The following UPRT variants were observed in gnomAD, a reference collection of about 807,000 sequenced individuals.
The protein encoded by UPRT is RP11-311P8.3.
In UPRT, 5 loss-of-function variants were observed where a neutral mutation model predicts 22.6. The observed-to-expected ratio is 0.22, with a 90% confidence interval of 0.12 to 0.47. The LOEUF is 0.47. Among genes scored for constraint, UPRT ranks in the 20% least tolerant of loss-of-function variants. The probability of loss-of-function intolerance (pLI) is 0.99; values close to 1 mark genes in which losing one functional copy is unlikely to be tolerated. For synonymous variants in UPRT, 77 were observed against 87.7 expected, an observed-to-expected ratio of 0.88 and a Z score of 0.68; for missense variants, 181 against 239.9, an observed-to-expected ratio of 0.75 and a Z score of 1.62.
chrX:75,240,283 G>A (rs2082484043), intron 4 of UPRT, among the ~76,000 whole-genome samples: 1 of 110,932 alleles, frequency 9.0e-6, no homozygotes. Context: ...CAAATCAGTA[G>A]CACTGCTATA....
upstream of UPRT, among the ~76,000 whole-genome samples, chrX:75,272,335 T>C (rs2082612638): frequency 1.0e-5 from 1 of 95,263 alleles, no homozygotes; most frequent in African/African-American, 4.1e-5. Context: ...TATATGTATA[T>C]ATATATATAC....
chrX:75,299,806 G>T lies in UPRT; in HGVS notation c.634G>T (p.Asp212Tyr). 1 of 1,211,333 alleles carries T rather than the reference G, an allele frequency of 8.3e-7. No individual in the cohort carries two copies. The highest frequency in any genetic ancestry group is 1.1e-6 in the Non-Finnish European group (1 of 895,239). The change falls in exon 5 of 7, where the codon GAT becomes TAT. Residue 212 changes from aspartate to tyrosine, a missense_variant. Coordinates refer to ENST00000373383, the MANE Select transcript of UPRT (RefSeq NM_145052.4). Reference protein sequence around the residue: ...IRIGKILIQSDEETQRAKVYY... With the variant: ...IRIGKILIQSYEETQRAKVYY... ...AATTGGAAAGATCCTGATTCAGAGT[G>T]ATGAGGAGACACAAAGAGCCAAAGT...
At chrX:75,263,653 C>T (rs2082576674) in intron 4 of UPRT, among the ~76,000 whole-genome samples, 1 of 108,980 alleles carries the variant, frequency 9.2e-6, no homozygotes, top group African/African-American at 3.3e-5. Context: ...TTTTGTTGAT[C>T]TTTTCAAAAA....
chrX:75,271,365 G>A (rs1186612319), upstream of UPRT, among the ~76,000 whole-genome samples: 1 of 111,264 alleles, frequency 9.0e-6, no homozygotes, highest in Non-Finnish European at 1.9e-5. Context: ...ACTGATCTTC[G>A]ACAAAGCAAA....
chrX:75,174,934 C>T (rs762571109), intron 4 of UPRT, among the ~76,000 whole-genome samples: 1 of 110,359 alleles, frequency 9.1e-6, no homozygotes, highest in Admixed American at 9.7e-5. Context: ...CTCTTTTTAA[C>T]TCTCTCTTTG....
intron 4 of UPRT, among the ~76,000 whole-genome samples, chrX:75,233,979 G>A (rs1387192035): frequency 9.0e-6 from 1 of 110,721 alleles, no homozygotes; most frequent in South Asian, 3.9e-4. Flanking sequence ...CAATTAAAAG[G>A]CACAGACTGG....
At chrX:75,297,742 C>T (rs1486816360) in intron 4 of UPRT, 189 bp downstream of exon 4, 1 of 471,827 alleles carries the variant, frequency 2.1e-6, no homozygotes, top group Non-Finnish European at 3.6e-6. Flanking sequence ...CTAATTTTAA[C>T]TACAGAGCGT....
intron 4 of UPRT, among the ~76,000 whole-genome samples, chrX:75,212,127 T>C (rs1249597836): frequency 8.9e-6 from 1 of 112,198 alleles, no homozygotes; most frequent in Non-Finnish European, 1.9e-5. Flanking sequence ...TTCACTTTGA[T>C]CAAGATCTGC....
intron 4 of UPRT, among the ~76,000 whole-genome samples, chrX:75,232,671 G>A (rs1452474829): frequency 1.8e-5 from 2 of 111,964 alleles, no homozygotes; most frequent in Admixed American, 9.5e-5. Flanking sequence ...CGCCAGCAGG[G>A]GCAGACTGAC....
intron 4 of UPRT, among the ~76,000 whole-genome samples, chrX:75,257,765 C>A (rs1373889247): frequency 2.7e-5 from 3 of 110,973 alleles, no homozygotes; most frequent in Non-Finnish European, 5.7e-5. Context: ...CTTTTATGAT[C>A]CCTTAAAAAA....
At chrX:75,263,390 T>C (rs1170865624) in intron 4 of UPRT, among the ~76,000 whole-genome samples, 1 of 111,514 alleles carries the variant, frequency 9.0e-6, no homozygotes, top group Admixed American at 9.6e-5. Context: ...ATTGCCTCAA[T>C]GTCAGAGCCT....
chrX:75,175,305 C>G (rs1443730120), intron 4 of UPRT, among the ~76,000 whole-genome samples: 1 of 111,809 alleles, frequency 8.9e-6, no homozygotes, highest in Non-Finnish European at 1.9e-5. Context: ...TAATATATCC[C>G]TCCCTAATAA....
chrX:75,274,577 C>A lies in UPRT; in HGVS notation c.323C>A (p.Ala108Glu), dbSNP rs1322803551. The A allele has an allele frequency of 8.3e-7, 1 of 1,209,957 alleles. No individual in the cohort carries two copies. The change falls in exon 1 of 7, where the codon GCG (alanine) becomes GAG (glutamate). Residue 108 changes from alanine to glutamate, a missense_variant. By Grantham distance (107) the Ala-to-Glu change is moderately radical (BLOSUM62 -1). This residue lies in a region of UPRT where 111 missense variants were observed against 102.8 expected (regional missense o/e 1.08). Transcript: ENST00000373383. Reference protein sequence around the residue: ...EDCELSRQIGAQLKLLPMNDQ... With the variant: ...EDCELSRQIGEQLKLLPMNDQ... ...TGCGAACTCTCCCGGCAGATCGGGGCGCAGCTTAAGCTGCTGCCTATGAAT... is the reference window on the plus strand; with the variant it reads ...TGCGAACTCTCCCGGCAGATCGGGGAGCAGCTTAAGCTGCTGCCTATGAAT...
At chrX:75,239,034 A>G (rs2082479414) in intron 4 of UPRT, among the ~76,000 whole-genome samples, 1 of 111,464 alleles carries the variant, frequency 9.0e-6, no homozygotes, top group African/African-American at 3.3e-5. Flanking sequence ...ACAGACAGCT[A>G]AGCTCACACT....
At chrX:75,158,293 T>C (rs753939627) in intron 1 of UPRT, among the ~76,000 whole-genome samples, 1 of 111,913 alleles carries the variant, frequency 8.9e-6, no homozygotes. Context: ...CACATAACTG[T>C]CTGACATAAA....
At chrX:75,231,164 G>A (rs1039701123) in intron 4 of UPRT, among the ~76,000 whole-genome samples, 1 of 111,506 alleles carries the variant, frequency 9.0e-6, no homozygotes, top group Admixed American at 9.5e-5. Flanking sequence ...AGGGGCACCA[G>A]ACAAAGGTGA....
chrX:75,236,558 G>C (rs1215296788), intron 4 of UPRT, among the ~76,000 whole-genome samples: 1 of 111,600 alleles, frequency 9.0e-6, no homozygotes, highest in Non-Finnish European at 1.9e-5. Flanking sequence ...ATACTACAAG[G>C]CTACAGTAAC....
chrX:75,247,738 C>T (rs1444861410), intron 4 of UPRT, among the ~76,000 whole-genome samples: 2 of 112,189 alleles, frequency 1.8e-5, no homozygotes, highest in Non-Finnish European at 3.8e-5. Context: ...GTTCTCACAG[C>T]ACGCAGCTTG....
At chrX:75,209,069 G>A (rs1022889728) in intron 4 of UPRT, among the ~76,000 whole-genome samples, 2 of 111,988 alleles carry the variant, frequency 1.8e-5, no homozygotes, top group Non-Finnish European at 3.8e-5. Flanking sequence ...TAGGTAAAGG[G>A]AGTGTTAAAT....
Sources: gnomAD v4.1 joint callset for allele counts (sites outside exome capture counted in the v4.1 genomes callset) on GRCh38, gnomAD v4.1.1 for gene constraint, gnomAD v4.1.1 regional missense constraint, MANE v1.5 for transcripts, NCBI Gene and HGNC (gene_info 2026-07-23, HGNC 2026-07-21) for gene names.